The following NYAP2 variants were observed in gnomAD, a reference collection of about 807,000 sequenced individuals.
NYAP2 encodes neuronal tyrosine-phosphorylated phosphoinositide-3-kinase adapter 2.
A neutral mutation model predicts 50.4 loss-of-function variants in NYAP2; 23 were observed. The observed-to-expected ratio is 0.46, with a 90% CI of 0.33 to 0.65. NYAP2 has a LOEUF of 0.65. Ranked by LOEUF, NYAP2 falls within the 30% of genes least tolerant of loss-of-function variation. The pLI, the probability that NYAP2 is intolerant of heterozygous loss-of-function variation, is 0.02. For synonymous variants in NYAP2, 394 were observed against 365.2 expected, an observed-to-expected ratio of 1.08 and a Z score of -0.90; for missense variants, 885 against 861.0, an observed-to-expected ratio of 1.03 and a Z score of -0.35.
At chr2:225,500,631 A>G (rs372184468) in intron 3 of NYAP2, among the ~76,000 whole-genome samples, 13 of 152,210 alleles carry the variant, frequency 8.5e-5, no homozygotes, top group African/African-American at 2.9e-4. Flanking sequence ...AAATCTTAAG[A>G]CACTATTATC....
chr2:225,484,925 A>G (rs1041438272), intron 3 of NYAP2, among the ~76,000 whole-genome samples: 1 of 152,218 alleles, frequency 6.6e-6, no homozygotes, highest in African/African-American at 2.4e-5. Context: ...TGAATCAGAA[A>G]CCCTAAGGGT....
At chr2:225,505,351 C>T (rs774788243) in intron 3 of NYAP2, among the ~76,000 whole-genome samples, 2 of 152,082 alleles carry the variant, frequency 1.3e-5, no homozygotes, top group Non-Finnish European at 2.9e-5. Flanking sequence ...GGCAAGAAAT[C>T]CACAAATTAT....
chr2:225,503,831 A>G (rs1292073909), intron 3 of NYAP2, among the ~76,000 whole-genome samples: 1 of 152,202 alleles, frequency 6.6e-6, no homozygotes, highest in Non-Finnish European at 1.5e-5. Context: ...GTGCAACTCT[A>G]TAATTATGTC....
At chr2:225,557,460 G>A (rs887948259) in intron 4 of NYAP2, among the ~76,000 whole-genome samples, 2 of 152,050 alleles carry the variant, frequency 1.3e-5, no homozygotes, top group African/African-American at 4.8e-5. Context: ...GTTTTTCCAG[G>A]ACTACCAAGC....
At chr2:225,471,938 GA>G (rs1201659118) in intron 3 of NYAP2, among the ~76,000 whole-genome samples, 5 of 151,852 alleles carry the variant, frequency 3.3e-5, no homozygotes, top group Admixed American at 2.0e-4. Flanking sequence ...ATTTAACCAA[GA>G]GGTAAAAATG....
the NYAP2 span, among the ~76,000 whole-genome samples, chr2:225,685,931 A>G: frequency 6.6e-6 from 1 of 152,286 alleles, no homozygotes; most frequent in East Asian, 1.9e-4. Context: ...TTTCAGACAC[A>G]CAAGAATTAA....
exon 7 of NYAP2, chr2:225,652,517 C>T (rs1354163381): frequency 6.6e-6 from 1 of 152,118 alleles, no homozygotes; most frequent in Non-Finnish European, 1.5e-5. Flanking sequence ...ACATAAATGT[C>T]CTATCTTTAG....
the NYAP2 span, among the ~76,000 whole-genome samples, chr2:225,690,418 G>C: frequency 3.3e-5 from 5 of 151,934 alleles, no homozygotes; most frequent in Non-Finnish European, 5.9e-5. Context: ...TTTATTGAGG[G>C]CTATGTTGTT....
chr2:225,548,900 T>TTTTTG (rs1691627496), intron 4 of NYAP2, among the ~76,000 whole-genome samples: 1 of 141,488 alleles, frequency 7.1e-6, no homozygotes, highest in African/African-American at 2.5e-5. Context: ...TTTTTTTTTT[T>TTTTTG]GAGGCAGGGT....
chr2:225,597,512 A>AATTATATATATATATATATATAT (rs1553554328), intron 5 of NYAP2, among the ~76,000 whole-genome samples: 2 of 46,220 alleles, frequency 4.3e-5, no homozygotes, highest in African/African-American at 1.2e-4. Context: ...TCCAAGGAGA[A>AATTATATATATATATATATATAT]ATATATATAT....
chr2:225,527,633 C>A (rs991295905), intron 4 of NYAP2, among the ~76,000 whole-genome samples: 2 of 152,094 alleles, frequency 1.3e-5, no homozygotes, highest in Non-Finnish European at 2.9e-5. Context: ...CAGGCCCACC[C>A]AGAACAATCT....
chr2:225,518,997 G>A (rs970246667), intron 4 of NYAP2, among the ~76,000 whole-genome samples: 4 of 152,122 alleles, frequency 2.6e-5, no homozygotes, highest in East Asian at 3.9e-4. Flanking sequence ...AAGCCTGGGC[G>A]ACTGAGTGAG....
the NYAP2 span, among the ~76,000 whole-genome samples, chr2:225,664,470 C>T: frequency 2.6e-5 from 4 of 152,166 alleles, no homozygotes; most frequent in African/African-American, 9.7e-5. Context: ...CACATTGGGA[C>T]TGTTGACTGT....
At chr2:225,630,639 A>G (rs1197829322) in intron 6 of NYAP2, among the ~76,000 whole-genome samples, 1 of 152,242 alleles carries the variant, frequency 6.6e-6, no homozygotes, top group Non-Finnish European at 1.5e-5. Context: ...TAAAAGGGGA[A>G]TGATGTTGCA....
At chr2:225,506,336 G>A (rs1464117272) in intron 3 of NYAP2, among the ~76,000 whole-genome samples, 1 of 152,144 alleles carries the variant, frequency 6.6e-6, no homozygotes, top group African/African-American at 2.4e-5. Flanking sequence ...ATGGGGCTGG[G>A]GAGAGCGTGT....
intron 3 of NYAP2, among the ~76,000 whole-genome samples, chr2:225,425,178 G>T (rs545371095): frequency 2.6e-4 from 39 of 152,152 alleles, no homozygotes; most frequent in Non-Finnish European, 4.6e-4. Flanking sequence ...GTCCTTGAGG[G>T]TATTGCTCAC....
chr2:225,512,817 CTT>C (rs746970758), intron 3 of NYAP2, among the ~76,000 whole-genome samples: 7 of 31,978 alleles, frequency 2.2e-4, no homozygotes, highest in Non-Finnish European at 3.7e-4. Context: ...TCTTTTCTTT[CTT>C]TCTCTCTCTC....
chr2:225,566,290 G>A (rs1245000225), intron 4 of NYAP2, among the ~76,000 whole-genome samples: 4 of 152,126 alleles, frequency 2.6e-5, no homozygotes, highest in African/African-American at 9.7e-5. Flanking sequence ...AATGTTTTAT[G>A]GCTGTGTAAT....
chr2:225,636,613 G>A (rs1031027033), intron 6 of NYAP2, among the ~76,000 whole-genome samples: 2 of 151,924 alleles, frequency 1.3e-5, no homozygotes, highest in Non-Finnish European at 2.9e-5. Context: ...TGCTTTCATA[G>A]CTCTTTATCA....
Sources: gnomAD v4.1 joint callset for allele counts (sites outside exome capture counted in the v4.1 genomes callset) on GRCh38, gnomAD v4.1.1 for gene constraint, MANE v1.5 for transcripts, NCBI Gene and HGNC (gene_info 2026-07-23, HGNC 2026-07-21) for gene names.